The following RASEF variants were observed in gnomAD, a reference collection of about 807,000 sequenced individuals.
RASEF encodes the protein ras and EF-hand domain-containing protein.
Under a neutral mutation model 90.1 loss-of-function variants are expected in RASEF, and 68 were observed. The ratio of observed to expected loss-of-function variants is 0.75; its 90% CI spans 0.62 to 0.92. The LOEUF (loss-of-function observed/expected upper bound fraction) is 0.92, where lower values mean the gene tolerates loss of function less well. RASEF is among the 40% of genes least tolerant of loss of function. The pLI is 0.00. For synonymous variants in RASEF, 331 were observed against 345.2 expected (o/e 0.96, Z 0.46); for missense variants, 949 against 937.2 (o/e 1.01, Z -0.16).
At chr9:83,114,087 G>A in the RASEF span, among the ~76,000 whole-genome samples, 8,970 of 152,228 alleles carry the variant, frequency 0.059, 289 homozygotes, top group South Asian at 0.099. Flanking sequence ...TTAGGGTGTT[G>A]TGGGAAGTCA....
At chr9:83,135,279 T>C in the RASEF span, among the ~76,000 whole-genome samples, 2 of 151,916 alleles carry the variant, frequency 1.3e-5, no homozygotes, top group Non-Finnish European at 2.9e-5. Context: ...TTCTCACCCA[T>C]AGGTGTGAAT....
At chr9:83,068,918 A>G in the RASEF span, among the ~76,000 whole-genome samples, 344 of 152,346 alleles carry the variant, frequency 2.3e-3, no homozygotes, top group African/African-American at 8.1e-3. Context: ...ATGCAAGTTT[A>G]TGTTAAAATA....
the RASEF span, among the ~76,000 whole-genome samples, chr9:83,174,298 G>A: frequency 0.88 from 133,614 of 152,016 alleles, 59,035 homozygotes; most frequent in African/African-American, 0.97. Context: ...CATATTTTCA[G>A]TCCATTTTGA....
chr9:83,213,326 A>C, the RASEF span, among the ~76,000 whole-genome samples: 2 of 151,468 alleles, frequency 1.3e-5, no homozygotes, highest in African/African-American at 4.9e-5. Flanking sequence ...CTTGAACCCA[A>C]GAGGCAGAGG....
At chr9:83,157,319 C>T in the RASEF span, among the ~76,000 whole-genome samples, 1 of 152,208 alleles carries the variant, frequency 6.6e-6, no homozygotes, top group Non-Finnish European at 1.5e-5. Context: ...CCTCAAAATC[C>T]ATGTGTTGGA....
chr9:83,202,562 G>A, the RASEF span, among the ~76,000 whole-genome samples: 1 of 152,118 alleles, frequency 6.6e-6, no homozygotes, highest in African/African-American at 2.4e-5. Context: ...TGCAGATTCA[G>A]CCTCTCAGAT....
the RASEF span, among the ~76,000 whole-genome samples, chr9:83,139,952 C>T: frequency 4.6e-5 from 7 of 151,964 alleles, no homozygotes; most frequent in Admixed American, 3.9e-4. Context: ...ATCACAATAG[C>T]GGTGGAAACT....
chr9:83,075,887 C>T, the RASEF span, among the ~76,000 whole-genome samples: 8 of 151,912 alleles, frequency 5.3e-5, no homozygotes, highest in South Asian at 1.3e-3. Context: ...ATTCTAAAGC[C>T]GGCAGGGCAC....
upstream of RASEF, among the ~76,000 whole-genome samples, chr9:83,063,934 A>G: frequency 6.6e-6 from 1 of 152,220 alleles, no homozygotes; most frequent in East Asian, 1.9e-4. Context: ...AGTCTGTCAT[A>G]CGGCTTATGT....
chr9:83,216,781 T>C, the RASEF span, among the ~76,000 whole-genome samples: 8,765 of 152,092 alleles, frequency 0.058, 740 homozygotes, highest in East Asian at 0.42. Flanking sequence ...GTAAAGGCAT[T>C]GGATAAATAT....
the RASEF span, among the ~76,000 whole-genome samples, chr9:83,215,105 G>C: frequency 2.6e-5 from 4 of 151,502 alleles, no homozygotes; most frequent in Admixed American, 1.3e-4. Flanking sequence ...AGTTGGACTG[G>C]GGGTAGTTGG....
chr9:83,182,081 A>G, the RASEF span, among the ~76,000 whole-genome samples: 1 of 152,162 alleles, frequency 6.6e-6, no homozygotes, highest in Non-Finnish European at 1.5e-5. Flanking sequence ...GGGGTGGTGC[A>G]AAGATGACCA....
intron 1 of RASEF, among the ~76,000 whole-genome samples, chr9:83,036,497 TG>T (rs1447522894): frequency 6.6e-6 from 1 of 152,246 alleles, no homozygotes; most frequent in Non-Finnish European, 1.5e-5. Flanking sequence ...TACAGTGAGT[TG>T]ACCTTTTTTA....
the RASEF span, among the ~76,000 whole-genome samples, chr9:83,150,031 A>G: frequency 2.1e-3 from 315 of 152,326 alleles, 4 homozygotes; most frequent in African/African-American, 6.4e-3. Context: ...CTTCTGTCCA[A>G]CTTGGCTACA....
the RASEF span, among the ~76,000 whole-genome samples, chr9:83,183,806 T>C: frequency 3.9e-5 from 6 of 152,208 alleles, no homozygotes; most frequent in African/African-American, 1.2e-4. Flanking sequence ...TCTCAGCTCT[T>C]AAAATGGACT....
At chr9:83,142,568 C>A in the RASEF span, among the ~76,000 whole-genome samples, 1 of 152,204 alleles carries the variant, frequency 6.6e-6, no homozygotes, top group Non-Finnish European at 1.5e-5. Context: ...GCCAGGTGCA[C>A]AACCATGATA....
At chr9:83,171,864 A>G in the RASEF span, among the ~76,000 whole-genome samples, 1 of 151,718 alleles carries the variant, frequency 6.6e-6, no homozygotes, top group Non-Finnish European at 1.5e-5. Flanking sequence ...CAAAATGCCA[A>G]CTTTTTGTTT....
the RASEF span, among the ~76,000 whole-genome samples, chr9:83,169,057 T>G: frequency 6.6e-6 from 1 of 151,964 alleles, no homozygotes; most frequent in Non-Finnish European, 1.5e-5. Context: ...GATCATTTTT[T>G]TTTTAGCTCC....
At chr9:83,115,359 CA>C in the RASEF span, among the ~76,000 whole-genome samples, 1 of 152,038 alleles carries the variant, frequency 6.6e-6, no homozygotes, top group East Asian at 1.9e-4. Context: ...TGAAAAAATA[CA>C]AAAGCTAACA....
Sources: allele counts gnomAD v4.1 joint callset (sites outside exome capture counted in the v4.1 genomes callset), GRCh38; gene constraint gnomAD v4.1.1; transcripts MANE v1.5; gene names NCBI Gene and HGNC (gene_info 2026-07-23, HGNC 2026-07-21).